GRIN3A: variants seen among roughly 807,000 people sequenced by gnomAD.
GRIN3A encodes the protein glutamate ionotropic receptor NMDA type subunit 3A, also known as glutamate receptor ionotropic, NMDA 3A.
GRIN3A carries 47 observed loss-of-function variants against 92.4 expected under a neutral mutation model. The ratio of observed to expected loss-of-function variants is 0.51; its 90% CI spans 0.40 to 0.65. GRIN3A has a LOEUF of 0.65. Among genes scored for constraint, GRIN3A ranks in the 30% least tolerant of loss-of-function variants. The pLI is 0.00. For missense variants in GRIN3A, 1,324 were observed against 1,393.1 expected (o/e 0.95, Z 0.79); for synonymous variants, 527 against 540.6 (o/e 0.97, Z 0.35).
At chr9:101,629,457 T>C (rs1421768546) in intron 3 of GRIN3A, among the ~76,000 whole-genome samples, 1 of 152,186 alleles carries the variant, frequency 6.6e-6, no homozygotes, top group African/African-American at 2.4e-5. Flanking sequence ...GCCTACTCTG[T>C]AGAGTTCTCA....
chr9:101,732,604 A>C lies in GRIN3A; in HGVS notation c.699+4677T>G, dbSNP rs114807419. On this transcript the variant is annotated intron_variant, in intron 1 of 8. Coordinates refer to ENST00000361820, the MANE Select transcript of GRIN3A (RefSeq NM_133445.3). The stretch of plus-strand genomic sequence containing the variant: ...CACTTTTTTTTAAGAGAAAAAAATG[A>C]GGGAGAGGGTAAAGAGGAAGGTGTA... Among the ~76,000 whole-genome samples the C allele has an allele frequency of 8.3e-3, 1,266 of 152,188 alleles. 20 individuals carry two copies. The highest frequency in any genetic ancestry group is 0.029 in the African/African-American group (1,210 of 41,516).
At chr9:101,640,920 T>A (rs186485173) in intron 3 of GRIN3A, among the ~76,000 whole-genome samples, 1 of 152,254 alleles carries the variant, frequency 6.6e-6, no homozygotes, top group Admixed American at 6.5e-5. Flanking sequence ...TATGTCTTTA[T>A]CAGCAGTATG....
At chr9:101,671,907 T>G (rs1274374836) in intron 2 of GRIN3A, among the ~76,000 whole-genome samples, 1 of 152,162 alleles carries the variant, frequency 6.6e-6, no homozygotes, top group East Asian at 1.9e-4. Context: ...TTCCTAACCC[T>G]GTGAACTAGG....
intron 3 of GRIN3A, among the ~76,000 whole-genome samples, chr9:101,636,130 G>A (rs757309477): frequency 2.0e-5 from 3 of 152,134 alleles, no homozygotes; most frequent in African/African-American, 7.2e-5. Context: ...TGATCTGCCT[G>A]CTTCGGCCTC....
At chr9:101,666,462 G>C (rs1829237951) in intron 3 of GRIN3A, among the ~76,000 whole-genome samples, 1 of 151,938 alleles carries the variant, frequency 6.6e-6, no homozygotes, top group African/African-American at 2.4e-5. Context: ...TGGACACATA[G>C]AGGGGAATAC....
intron 3 of GRIN3A, among the ~76,000 whole-genome samples, chr9:101,635,091 A>G (rs1828768032): frequency 6.6e-6 from 1 of 152,184 alleles, no homozygotes; most frequent in Non-Finnish European, 1.5e-5. Flanking sequence ...AAATTTAAGC[A>G]GTTTGCTGCC....
intron 6 of GRIN3A, among the ~76,000 whole-genome samples, chr9:101,588,931 A>G (rs1271217985): frequency 6.6e-6 from 1 of 152,096 alleles, no homozygotes; most frequent in Non-Finnish European, 1.5e-5. Context: ...TTTATGGTAT[A>G]TACGACAAAT....
At chr9:101,678,825 C>A (rs549213934) in intron 2 of GRIN3A, among the ~76,000 whole-genome samples, 1 of 152,306 alleles carries the variant, frequency 6.6e-6, no homozygotes, top group South Asian at 2.1e-4. Context: ...TGTGTTGTAA[C>A]TGGCAAGCTG....
chr9:101,723,050 T>C (rs1019383108), intron 1 of GRIN3A, among the ~76,000 whole-genome samples: 2 of 152,138 alleles, frequency 1.3e-5, no homozygotes. Context: ...GATTCCCATG[T>C]GTTGTGGGAG....
chr9:101,632,875 C>T (rs934637039), intron 3 of GRIN3A, among the ~76,000 whole-genome samples: 2 of 152,250 alleles, frequency 1.3e-5, no homozygotes, highest in African/African-American at 4.8e-5. Context: ...ACAACCATCA[C>T]CAAGAAGTCC....
chr9:101,594,768 T>C (rs758927110), intron 6 of GRIN3A: 1 of 1,614,020 alleles, frequency 6.2e-7, no homozygotes, highest in Non-Finnish European at 8.5e-7. Flanking sequence ...ACCAACGGGT[T>C]GTGGCGCAGC....
chr9:101,630,628 C>T (rs1424104404), intron 3 of GRIN3A, among the ~76,000 whole-genome samples: 1 of 152,204 alleles, frequency 6.6e-6, no homozygotes, highest in Non-Finnish European at 1.5e-5. Flanking sequence ...CTATATCATA[C>T]TGACTCCCTC....
In GRIN3A at chr9:101,569,673, G is replaced by A. The variant is rs756670060; in HGVS notation, c.*3501C>T. The A allele has an allele frequency of 2.6e-5, 4 of 152,166 alleles. No homozygotes were observed. The highest frequency in any genetic ancestry group is 5.9e-5 in the Non-Finnish European group (4 of 68,032). 9.4% of individuals were successfully genotyped at this position (152,166 alleles called of 1,614,324 possible). A position where few individuals can be genotyped will look rare whatever the true frequency, so the allele number is the denominator to read the frequency against. Reference sequence around the variant, plus strand: ...TAGATGGATAGTTTAGGTGGGTAAAGAAAGGAATAACTAAACAGTATAGAT... The same window carrying A: ...TAGATGGATAGTTTAGGTGGGTAAAAAAAGGAATAACTAAACAGTATAGAT... On this transcript the variant is annotated 3_prime_UTR_variant, in exon 9 of 9. Transcript: ENST00000361820.
chr9:101,623,733 T>C (rs1392217312), intron 4 of GRIN3A, among the ~76,000 whole-genome samples: 1 of 152,250 alleles, frequency 6.6e-6, no homozygotes, highest in African/African-American at 2.4e-5. Flanking sequence ...AGGAAGCGCA[T>C]AGAGAATGTT....
Position 101,643,394 on chromosome 9 carries a change from T to TA in GRIN3A, c.2353-14994dup, listed in dbSNP as rs1828892346. ...AAGATGACTATTATCAAAAGTTGAA[T>TA]AATAACAAGTGTTTGTGAGGATATG... On this transcript the variant is annotated intron_variant, in intron 3 of 8. Transcript: ENST00000361820. 4.6e-5 allele frequency among the ~76,000 whole-genome samples: 7 copies of TA among 152,142 alleles called. No homozygotes were observed. In the South Asian group the frequency reaches 1.5e-3, roughly 32 times the overall value.
At chr9:101,632,078 C>A (rs144441276) in intron 3 of GRIN3A, among the ~76,000 whole-genome samples, 7 of 152,212 alleles carry the variant, frequency 4.6e-5, no homozygotes, top group Admixed American at 2.0e-4. Context: ...CTCCCCCTGG[C>A]CTTCCAAGCT....
At chr9:101,638,716 G>A (rs182825674) in intron 3 of GRIN3A, among the ~76,000 whole-genome samples, 49 of 152,310 alleles carry the variant, frequency 3.2e-4, no homozygotes, top group African/African-American at 1.2e-3. Context: ...ACTTCTATAA[G>A]TTTATGGAAA....
chr9:101,637,275 A>G (rs1038979273), intron 3 of GRIN3A, among the ~76,000 whole-genome samples: 2 of 152,064 alleles, frequency 1.3e-5, no homozygotes, highest in Non-Finnish European at 2.9e-5. Flanking sequence ...TTGTATTTTC[A>G]GTAGAGATGG....
chr9:101,615,912 A>T (rs1291742549), intron 5 of GRIN3A, among the ~76,000 whole-genome samples: 1 of 152,204 alleles, frequency 6.6e-6, no homozygotes, highest in African/African-American at 2.4e-5. Flanking sequence ...CTCCTACCAG[A>T]TAGTAGCAAG....
Sources: gnomAD v4.1 joint callset for allele counts (sites outside exome capture counted in the v4.1 genomes callset) on GRCh38, gnomAD v4.1.1 for gene constraint, MANE v1.5 for transcripts, NCBI Gene and HGNC (gene_info 2026-07-23, HGNC 2026-07-21) for gene names.